Variants in FGF13 observed in about 807,000 individuals in gnomAD.
FGF13 encodes the protein fibroblast growth factor homologous factor 2.
FGF13 carries 2 observed loss-of-function variants against 19.5 expected under a neutral mutation model. The ratio of observed to expected loss-of-function variants is 0.10; its 90% confidence interval spans 0.04 to 0.32. The LOEUF is 0.32. Among genes scored for constraint, FGF13 ranks in the 10% least tolerant of loss-of-function variants. The pLI, the probability that FGF13 is intolerant of heterozygous loss-of-function variation, is 1.00. For synonymous variants in FGF13, 72 were observed against 76.9 expected (o/e 0.94, Z 0.33); for missense variants, 113 against 192.7 (o/e 0.59, Z 2.45).
intron 3 of FGF13, among the ~76,000 whole-genome samples, chrX:138,767,323 AC>A (rs772413460): frequency 3.6e-5 from 4 of 111,997 alleles, no homozygotes; most frequent in African/African-American, 6.5e-5. Flanking sequence ...TGCAGAATAT[AC>A]TAAACTTTGT....
chrX:139,039,090 G>T (rs971967983), intron 1 of FGF13, among the ~76,000 whole-genome samples: 2 of 111,879 alleles, frequency 1.8e-5, no homozygotes, highest in Non-Finnish European at 3.8e-5. Flanking sequence ...TTCTTTACTG[G>T]GTGGCTCTTG....
At chrX:138,636,212 A>G (rs1490589778) in intron 3 of FGF13, among the ~76,000 whole-genome samples, 2 of 111,879 alleles carry the variant, frequency 1.8e-5, no homozygotes, top group Non-Finnish European at 3.8e-5. Context: ...TTTTTGGATC[A>G]TTGGACCTTG....
chrX:139,182,235 T>C (rs1448840798), intron 1 of FGF13, among the ~76,000 whole-genome samples: 1 of 111,804 alleles, frequency 8.9e-6, no homozygotes, highest in East Asian at 2.8e-4. Flanking sequence ...CACTACACCA[T>C]ATTCTCTCTT....
intron 3 of FGF13, among the ~76,000 whole-genome samples, chrX:138,640,906 G>A (rs895038596): frequency 9.0e-5 from 10 of 111,578 alleles, no homozygotes; most frequent in African/African-American, 2.9e-4. Context: ...TTTGAGGATT[G>A]CCATGCAGAC....
At chrX:139,023,395 T>C (rs1165632869) in intron 1 of FGF13, among the ~76,000 whole-genome samples, 1 of 110,910 alleles carries the variant, frequency 9.0e-6, no homozygotes, top group Admixed American at 9.6e-5. Flanking sequence ...ATTCTTAGCT[T>C]GTAGGATAAA....
At chrX:138,980,498 T>G (rs2091958943) in intron 1 of FGF13, among the ~76,000 whole-genome samples, 1 of 112,011 alleles carries the variant, frequency 8.9e-6, no homozygotes, top group African/African-American at 3.3e-5. Flanking sequence ...GAGAATGTTT[T>G]CTTTTAAAAA....
At position 138,817,084 on chromosome X, in the gene FGF13, A is replaced by G. The variant is rs2090966949; in HGVS notation, c.217+40428T>C. Among the ~76,000 whole-genome samples, 3 of 112,582 alleles carry G rather than the reference A, an allele frequency of 2.7e-5. No individual in the cohort carries two copies. In the South Asian group the frequency reaches 1.1e-3, roughly 42 times the overall value. On this transcript the variant is annotated intron_variant, in intron 3 of 6. Transcript: ENST00000436198. Reference sequence around the variant, plus strand: ...TTGGAAGAATACAGTCAATCAGTCAACAACATTTATCTTGAGAATTTCAAC... The same window carrying G: ...TTGGAAGAATACAGTCAATCAGTCAGCAACATTTATCTTGAGAATTTCAAC...
At chrX:139,196,529 G>C (rs1319389971) in intron 1 of FGF13, among the ~76,000 whole-genome samples, 1 of 112,165 alleles carries the variant, frequency 8.9e-6, no homozygotes, top group African/African-American at 3.2e-5. Flanking sequence ...CACAGCCCTG[G>C]AGCAACCATG....
intron 1 of FGF13, among the ~76,000 whole-genome samples, chrX:138,905,648 A>G (rs2091553577): frequency 8.9e-6 from 1 of 112,055 alleles, no homozygotes; most frequent in African/African-American, 3.2e-5. Context: ...GTACAAACAA[A>G]TTTCACTTTT....
chrX:138,988,439 C>G (rs1245147111), intron 1 of FGF13, among the ~76,000 whole-genome samples: 3 of 112,173 alleles, frequency 2.7e-5, no homozygotes, highest in Non-Finnish European at 3.8e-5. Flanking sequence ...ATCATAGGCT[C>G]CTCAGCTGGG....
At chrX:139,173,510 G>A (rs757449894) in intron 1 of FGF13, among the ~76,000 whole-genome samples, 64 of 110,355 alleles carry the variant, frequency 5.8e-4, no homozygotes, top group Admixed American at 3.5e-3. Flanking sequence ...CCATCAACCC[G>A]TCATCTACAT....
At chrX:138,914,086 A>G (rs1162038398) in intron 1 of FGF13, among the ~76,000 whole-genome samples, 1 of 109,510 alleles carries the variant, frequency 9.1e-6, no homozygotes, top group East Asian at 2.9e-4. Context: ...GACAAAATCC[A>G]TTCACTAATT....
At chrX:139,179,021 T>C (rs2084216911) in intron 1 of FGF13, among the ~76,000 whole-genome samples, 1 of 112,179 alleles carries the variant, frequency 8.9e-6, no homozygotes, top group Non-Finnish European at 1.9e-5. Flanking sequence ...TAAAAATACA[T>C]TTATAAATTG....
chrX:139,094,514 C>T (rs1196635925), intron 1 of FGF13, among the ~76,000 whole-genome samples: 1 of 111,387 alleles, frequency 9.0e-6, no homozygotes, highest in Admixed American at 9.6e-5. Context: ...CAAGGCCATA[C>T]AGAGATAATA....
upstream of FGF13, among the ~76,000 whole-genome samples, chrX:138,739,840 C>T (rs1434735574): frequency 3.6e-5 from 4 of 112,067 alleles, no homozygotes; most frequent in Non-Finnish European, 7.5e-5. Context: ...AACAATTACA[C>T]GTAAAATGTT....
chrX:138,816,947 C>T (rs1053505498), intron 3 of FGF13, among the ~76,000 whole-genome samples: 3 of 111,863 alleles, frequency 2.7e-5, no homozygotes, highest in African/African-American at 9.7e-5. Flanking sequence ...ATCCATCTCA[C>T]ATTGCATTTT....
At chrX:138,990,391 A>G (rs1167020570) in intron 1 of FGF13, 1 of 111,000 alleles carries the variant, frequency 9.0e-6, no homozygotes, top group African/African-American at 3.3e-5. Flanking sequence ...TTATATTTAG[A>G]CAGACTTGGT....
intron 3 of FGF13, among the ~76,000 whole-genome samples, chrX:138,819,467 G>A (rs1379492096): frequency 3.6e-5 from 4 of 111,390 alleles, no homozygotes; most frequent in African/African-American, 9.8e-5. Flanking sequence ...GACAGCTCTT[G>A]TACTTTTTGC....
Position 139,078,088 on chromosome X carries a change from C to G in FGF13, c.-113+125328G>C, listed in dbSNP as rs1272658153. 6.3e-5 allele frequency among the ~76,000 whole-genome samples: 7 copies of G among 110,727 alleles called. No homozygotes were observed. The South Asian group carries it at 1.9e-3, about 30-fold the overall frequency. On this transcript the variant is annotated intron_variant, in intron 1 of 2. Coordinates refer to the FGF13 transcript ENST00000421460. ...TGTTTGTTTAGTTTCCACAGTGATT[C>G]TGATTCATATGCCTACTTGAGTCAG...
Sources: allele counts gnomAD v4.1 joint callset (sites outside exome capture counted in the v4.1 genomes callset), GRCh38; gene constraint gnomAD v4.1.1; transcripts MANE v1.5; gene names NCBI Gene and HGNC (gene_info 2026-07-23, HGNC 2026-07-21).